Variants in ALDH1A2 observed in about 807,000 individuals in gnomAD.
ALDH1A2 encodes the protein retinal dehydrogenase 2.
A neutral mutation model predicts 60.3 loss-of-function variants in ALDH1A2; 27 were observed. The ratio of observed to expected loss-of-function variants is 0.45; its 90% CI spans 0.33 to 0.62. The LOEUF (loss-of-function observed/expected upper bound fraction) is 0.62. Among genes scored for constraint, ALDH1A2 ranks in the 20% least tolerant of loss-of-function variants. ALDH1A2 has a pLI of 0.02. For synonymous variants in ALDH1A2, 289 were observed against 232.4 expected (o/e 1.24, Z -2.21); for missense variants, 581 against 643.8 (o/e 0.90, Z 1.06).
At chr15:58,060,162 C>G (rs1180809760) in intron 1 of ALDH1A2, among the ~76,000 whole-genome samples, 3 of 152,106 alleles carry the variant, frequency 2.0e-5, no homozygotes, top group Admixed American at 6.6e-5. Context: ...TTCAGGTGAT[C>G]CACCCGCCTC....
chr15:58,057,896 A>T, intron 1 of ALDH1A2: 1 of 442,778 alleles, frequency 2.3e-6, no homozygotes, highest in Non-Finnish European at 3.4e-6. Flanking sequence ...AGCTCTGGCT[A>T]CAGCCAAAAA....
At chr15:58,019,382 G>C (rs115328678) in intron 1 of ALDH1A2, among the ~76,000 whole-genome samples, 2,115 of 152,248 alleles carry the variant, frequency 0.014, 57 homozygotes, top group African/African-American at 0.047. Flanking sequence ...CTCAGTATAA[G>C]AAACCAGAAT....
At chr15:57,976,972 G>C (rs552147859) in intron 7 of ALDH1A2, among the ~76,000 whole-genome samples, 16 of 152,210 alleles carry the variant, frequency 1.1e-4, no homozygotes, top group African/African-American at 3.9e-4. Flanking sequence ...GTGTGAGATG[G>C]TATCTCACTG....
At chr15:58,007,087 G>A (rs1468326841) in intron 4 of ALDH1A2, among the ~76,000 whole-genome samples, 2 of 151,732 alleles carry the variant, frequency 1.3e-5, no homozygotes, top group African/African-American at 4.8e-5. Context: ...CTGTCTGGTT[G>A]GCCATGAGTT....
chr15:58,032,593 C>A (rs1231701564), intron 1 of ALDH1A2, among the ~76,000 whole-genome samples: 1 of 152,020 alleles, frequency 6.6e-6, no homozygotes, highest in East Asian at 1.9e-4. Context: ...TAAACTAATA[C>A]AACCACTATG....
At chr15:58,025,980 G>A (rs192400315) in intron 1 of ALDH1A2, among the ~76,000 whole-genome samples, 1 of 152,236 alleles carries the variant, frequency 6.6e-6, no homozygotes, top group African/African-American at 2.4e-5. Flanking sequence ...CTCCCACCAG[G>A]CTCCACCTCC....
At chr15:57,955,339 C>CCTGG (rs1893484037) in intron 12 of ALDH1A2, 70 bp from the exon 13 acceptor site, 17 of 1,522,480 alleles carry the variant, frequency 1.1e-5, no homozygotes, top group Non-Finnish European at 1.5e-5. Flanking sequence ...CAGCGGGAGT[C>CCTGG]CTGGGGAGGT....
chr15:57,956,640 C>CA (rs1320654645), intron 12 of ALDH1A2, among the ~76,000 whole-genome samples: 4 of 152,172 alleles, frequency 2.6e-5, no homozygotes, highest in African/African-American at 9.7e-5. Flanking sequence ...CCACTCGTTG[C>CA]ATGCTTCCCT....
chr15:57,969,377 C>G lies in ALDH1A2; in HGVS notation c.799-3550G>C, dbSNP rs368635961. On this transcript the variant is annotated intron_variant, in intron 7 of 12. Coordinates refer to ENST00000249750, the MANE Select transcript of ALDH1A2 (RefSeq NM_003888.4). ...CTGAACAGATTAAATTACAGTTCCT[C>G]AGTACTTTGTTATAACCCACAGGTT... Among the ~76,000 whole-genome samples the G allele has an allele frequency of 1.2e-4, 18 of 152,316 alleles. No homozygotes were observed. The East Asian group carries it at 2.7e-3, about 23-fold the overall frequency.
At chr15:58,040,214 C>A (rs1308399857) in intron 1 of ALDH1A2, among the ~76,000 whole-genome samples, 3 of 151,920 alleles carry the variant, frequency 2.0e-5, no homozygotes, top group Non-Finnish European at 2.9e-5. Context: ...CATATTCTGA[C>A]GAAGTGGCCT....
chr15:58,026,391 C>T (rs532292294), intron 1 of ALDH1A2, among the ~76,000 whole-genome samples: 31 of 152,240 alleles, frequency 2.0e-4, no homozygotes, highest in South Asian at 8.3e-4. Context: ...CCACTCCTAT[C>T]GGTATGCTTC....
At chr15:57,983,267 T>C (rs529225607) in intron 7 of ALDH1A2, among the ~76,000 whole-genome samples, 1 of 152,188 alleles carries the variant, frequency 6.6e-6, no homozygotes, top group Non-Finnish European at 1.5e-5. Flanking sequence ...GGAAATGATG[T>C]TGAGAATAAA....
intron 1 of ALDH1A2, among the ~76,000 whole-genome samples, chr15:58,029,636 C>A: frequency 6.8e-6 from 1 of 146,388 alleles, no homozygotes; most frequent in East Asian, 2.0e-4. Context: ...AAAAGATCAA[C>A]AAAACAGATA....
rs79780375 is a variant in ALDH1A2 at position 58,005,999 on chromosome 15, C to T, written c.493+4650G>A. ...TACAGAGTGTTCTCAGAGTCATTTA[C>T]GGGCATGTATATCCAAAGCAGGGAT... On this transcript the variant is annotated intron_variant, in intron 4 of 12. Coordinates refer to ENST00000249750, the MANE Select transcript of ALDH1A2 (RefSeq NM_003888.4). 4.7e-5 allele frequency among the ~76,000 whole-genome samples: 7 copies of T among 148,480 alleles called. No individual in the cohort carries two copies. In the East Asian group the frequency reaches 1.0e-3, roughly 22 times the overall value.
In ALDH1A2 at chr15:57,962,283, A is replaced by G. The variant is rs888035498; in HGVS notation, c.1087-107T>C. On this transcript the variant is annotated intron_variant, in intron 9 of 12. Transcript: ENST00000249750. The stretch of plus-strand genomic sequence containing the variant: ...TTAGGGTTTTTTTCAAAGTTTAACT[A>G]CACCCAGTCAGATCATATAAAACTG... 3.1e-5 allele frequency: 43 copies of G among 1,368,792 alleles called. No individual in the cohort carries two copies. In the Middle Eastern group the frequency reaches 7.3e-4, roughly 23 times the overall value. 84.8% of individuals were successfully genotyped at this position (1,368,792 alleles called of 1,614,324 possible).
intron 1 of ALDH1A2, among the ~76,000 whole-genome samples, chr15:58,050,919 C>T (rs1161773220): frequency 6.6e-6 from 1 of 152,120 alleles, no homozygotes; most frequent in Non-Finnish European, 1.5e-5. Flanking sequence ...GGCTCGAACA[C>T]CTCAATGCAT....
intron 1 of ALDH1A2, chr15:58,038,612 A>G (rs1404902680): frequency 1.3e-5 from 2 of 151,820 alleles, no homozygotes; most frequent in Non-Finnish European, 2.9e-5. Flanking sequence ...GACAGAGGCA[A>G]GCTGAATCAC....
intron 7 of ALDH1A2, 147 bp from the exon 8 acceptor site, chr15:57,965,974 C>T (rs890037684): frequency 1.6e-5 from 11 of 704,498 alleles, no homozygotes; most frequent in Non-Finnish European, 2.1e-5. Flanking sequence ...GCTTGGGTTA[C>T]AAGATGTAAG....
intron 1 of ALDH1A2, among the ~76,000 whole-genome samples, chr15:58,037,900 CTT>C (rs1203428477): frequency 2.6e-5 from 4 of 151,782 alleles, no homozygotes; most frequent in African/African-American, 7.2e-5. Flanking sequence ...AAAAGACACA[CTT>C]TGTGTTTTTT....
Sources: allele counts gnomAD v4.1 joint callset (sites outside exome capture counted in the v4.1 genomes callset), GRCh38; gene constraint gnomAD v4.1.1; transcripts MANE v1.5; gene names NCBI Gene and HGNC (gene_info 2026-07-23, HGNC 2026-07-21).